The following SLC9A1 variants were observed in gnomAD, a reference collection of about 807,000 sequenced individuals.
SLC9A1 encodes the protein sodium/hydrogen exchanger 1.
Under a neutral mutation model 67.9 loss-of-function variants are expected in SLC9A1, and 22 were observed. The observed-to-expected ratio is 0.32, with a 90% CI of 0.23 to 0.46. The LOEUF (loss-of-function observed/expected upper bound fraction) is 0.46. Ranked by LOEUF, SLC9A1 falls within the 20% of genes least tolerant of loss-of-function variation. The probability of loss-of-function intolerance (pLI) is 1.00; values close to 1 mark genes in which losing one functional copy is unlikely to be tolerated. For synonymous variants in SLC9A1, 421 were observed against 471.8 expected (o/e 0.89, Z 1.40); for missense variants, 686 against 1,094.8 (o/e 0.63, Z 5.27).
intron 4 of SLC9A1, among the ~76,000 whole-genome samples, chr1:27,107,094 C>G (rs1265335061): frequency 6.7e-6 from 1 of 149,454 alleles, no homozygotes; most frequent in East Asian, 2.0e-4. Flanking sequence ...ATACCCCCAG[C>G]CCCTCCACAC....
intron 6 of SLC9A1, among the ~76,000 whole-genome samples, chr1:27,103,000 T>TCAAATGGAGG (rs1553174829): frequency 6.6e-6 from 1 of 152,142 alleles, no homozygotes; most frequent in Non-Finnish European, 1.5e-5. Context: ...GGGATAGGTT[T>TCAAATGGAGG]CAAATGGAGG....
At chr1:27,136,809 T>TG (rs538222769) in intron 1 of SLC9A1, among the ~76,000 whole-genome samples, 1 of 152,146 alleles carries the variant, frequency 6.6e-6, no homozygotes, top group Non-Finnish European at 1.5e-5. Context: ...CCAAGAACAC[T>TG]GGGGGAAAAG....
chr1:27,147,733 C>T (rs1033173414), intron 1 of SLC9A1, among the ~76,000 whole-genome samples: 1 of 152,164 alleles, frequency 6.6e-6, no homozygotes, highest in African/African-American at 2.4e-5. Context: ...CAGTGGCTTA[C>T]GCCTGTAATC....
intron 1 of SLC9A1, among the ~76,000 whole-genome samples, chr1:27,146,641 T>C (rs2083486959): frequency 6.6e-6 from 1 of 152,160 alleles, no homozygotes; most frequent in Non-Finnish European, 1.5e-5. Flanking sequence ...TAGCTGGATG[T>C]GGTGACCTGT....
At chr1:27,151,107 T>G (rs2083524441) in intron 1 of SLC9A1, among the ~76,000 whole-genome samples, 1 of 152,110 alleles carries the variant, frequency 6.6e-6, no homozygotes, top group African/African-American at 2.4e-5. Flanking sequence ...ATAGGACACA[T>G]GGAAACCCTG....
At position 27,100,384 on chromosome 1, in the gene SLC9A1, T is replaced by A. The variant is rs140754742; in HGVS notation, c.2371A>T (p.Ile791Leu). ...CCTGGGTCACTGAGGCAGCGCTGTATCCTCTGGGAGCTGGGGCTGTCACTG... is the reference window on the plus strand; with the variant it reads ...CCTGGGTCACTGAGGCAGCGCTGTAACCTCTGGGAGCTGGGGCTGTCACTG... ...APSDSPSSQR[I>L]QRCLSDPGPH... Residue 791 changes from isoleucine to leucine, a missense_variant, in exon 12 of 12, where the codon ATA becomes TTA. Around this residue, in one of 7 missense-constraint regions of SLC9A1, gnomAD observed 226 missense variants for 282.4 expected, o/e 0.80. Transcript: ENST00000263980. The surrounding 1 kb of genome is among the most constrained non-coding windows in gnomAD (Gnocchi z 5.6). 2.5e-6 allele frequency: 4 copies of A among 1,593,784 alleles called. No homozygotes were observed. The highest frequency in any genetic ancestry group is 1.7e-5 in the Admixed American group (1 of 58,854).
At chr1:27,108,910 C>T (rs373806818) in intron 3 of SLC9A1, among the ~76,000 whole-genome samples, 1 of 152,184 alleles carries the variant, frequency 6.6e-6, no homozygotes, top group African/African-American at 2.4e-5. Context: ...CCACAGGGAG[C>T]TTTGTTCCAA....
At chr1:27,142,864 G>T (rs1158385123) in intron 1 of SLC9A1, among the ~76,000 whole-genome samples, 1 of 151,824 alleles carries the variant, frequency 6.6e-6, no homozygotes, top group Non-Finnish European at 1.5e-5. Flanking sequence ...CCTTCTCCTT[G>T]CCTGGAAGGT....
intron 1 of SLC9A1, among the ~76,000 whole-genome samples, chr1:27,139,492 G>T (rs1243075251): frequency 2.0e-5 from 3 of 152,198 alleles, no homozygotes; most frequent in African/African-American, 4.8e-5. Context: ...TGCACTATGC[G>T]AAGCCCTGAG....
In SLC9A1 at chr1:27,102,654, C is replaced by CA; in HGVS notation, c.1646+18dup. 6.2e-7 allele frequency: 1 copy of CA among 1,613,228 alleles called. No homozygotes were observed. The highest frequency in any genetic ancestry group is 8.5e-7 in the Non-Finnish European group (1 of 1,179,662). ...CCTTGCCTGCCCCTCCCTGCCTGCC[C>CA]ACCAGGCCTGCCACCTACTTGTCCT... On this transcript the variant is annotated intron_variant, in intron 7 of 11. Coordinates refer to ENST00000263980, the MANE Select transcript of SLC9A1 (RefSeq NM_003047.5).
chr1:27,142,277 TTCACGAG>T (rs1313085368), intron 1 of SLC9A1, among the ~76,000 whole-genome samples: 8 of 152,212 alleles, frequency 5.3e-5, no homozygotes, highest in African/African-American at 1.9e-4. Context: ...CTGCCATTAA[TTCACGAG>T]TGGCCTGGGG....
intron 1 of SLC9A1, among the ~76,000 whole-genome samples, chr1:27,147,111 AAAACAAACAAAC>A (rs147266205): frequency 4.7e-5 from 7 of 150,396 alleles, no homozygotes; most frequent in African/African-American, 1.5e-4. Context: ...GTCTCTACTA[AAAACAAACAAAC>A]AAACAAACAA....
In SLC9A1 at chr1:27,105,894, G is replaced by C. The variant is rs1372231213; in HGVS notation, c.1476C>G (p.Val492=). ...TGCCCTGGCCCAGCACCTGCACAAAGACGGTGAAGAAGATGACAGTGATGA... is the reference window on the plus strand; with the variant it reads ...TGCCCTGGCCCAGCACCTGCACAAACACGGTGAAGAAGATGACAGTGATGA... ...TAIITVIFFT[V]FVQGMTIRPL... The change falls in exon 5 of 12, where the codon GTC becomes GTG. Residue 492 remains valine (V), a synonymous_variant. Coordinates refer to ENST00000263980, the MANE Select transcript of SLC9A1 (RefSeq NM_003047.5). 1 of 1,613,374 alleles carries C rather than the reference G, an allele frequency of 6.2e-7. No homozygotes were observed. The highest frequency in any genetic ancestry group is 2.2e-5 in the East Asian group (1 of 44,888).
In SLC9A1 at chr1:27,105,361, G is replaced by A. The variant is rs368180384; in HGVS notation, c.1485+524C>T. 82 of 249,024 alleles carry A rather than the reference G, an allele frequency of 3.3e-4. 2 individuals carry two copies. The East Asian group carries it at 6.7e-3, about 20-fold the overall frequency. 15.4% of individuals were successfully genotyped at this position (249,024 alleles called of 1,614,324 possible). ...GTTACCCAGGCTGGAGTGCAATGGC[G>A]CAATCTCAGCTCACTGCAACCTCCA... On this transcript the variant is annotated intron_variant, in intron 5 of 11. Coordinates refer to ENST00000263980, the MANE Select transcript of SLC9A1 (RefSeq NM_003047.5).
chr1:27,135,525 GAA>G lies in SLC9A1; in HGVS notation c.352+18456_352+18457del, dbSNP rs36107223. Among the ~76,000 whole-genome samples the G allele has an allele frequency of 2.8e-3, 310 of 110,006 alleles. 1 individual carries two copies. Among genetic ancestry groups the G allele is most frequent in the African/African-American group, 7.8e-3 (226 of 28,956 alleles). 72.2% of individuals were successfully genotyped at this position (110,006 alleles called of 152,430 possible). A position where few individuals can be genotyped will look rare whatever the true frequency, so the allele number is the denominator to read the frequency against. ...TTTTTTTATTTCTTCCTTTTTTCTGGAAAAAAAAAAAAAAAAAAAAATCTGGA... is the reference window on the plus strand; with the variant it reads ...TTTTTTTATTTCTTCCTTTTTTCTGGAAAAAAAAAAAAAAAAAAATCTGGA... On this transcript the variant is annotated intron_variant, in intron 1 of 11. Transcript: ENST00000263980.
intron 1 of SLC9A1, among the ~76,000 whole-genome samples, chr1:27,122,091 G>T (rs367847146): frequency 7.3e-4 from 111 of 152,220 alleles, no homozygotes; most frequent in African/African-American, 2.3e-3. Context: ...CTCCAGCCTG[G>T]GCGACAGAGT....
chr1:27,140,515 T>C (rs1557432877), intron 1 of SLC9A1, among the ~76,000 whole-genome samples: 1 of 152,014 alleles, frequency 6.6e-6, no homozygotes, highest in Non-Finnish European at 1.5e-5. Flanking sequence ...TAGTAGCAAC[T>C]CCCATTAGTG....
chr1:27,136,809 TG>T lies in SLC9A1; in HGVS notation c.352+17173del, dbSNP rs538222769. Among the ~76,000 whole-genome samples, 10 of 152,264 alleles carry T rather than the reference TG, an allele frequency of 6.6e-5. No individual in the cohort carries two copies. The East Asian group carries it at 1.7e-3, about 26-fold the overall frequency. On this transcript the variant is annotated intron_variant, in intron 1 of 11. Coordinates refer to ENST00000263980, the MANE Select transcript of SLC9A1 (RefSeq NM_003047.5). Reference sequence around the variant, plus strand: ...GGAAAATTCCCAGAGCCAAGAACACTGGGGGAAAAGCTTCATCTAGTCCCTT... The same window carrying T: ...GGAAAATTCCCAGAGCCAAGAACACTGGGGAAAAGCTTCATCTAGTCCCTT...
At chr1:27,115,543 G>C (rs2083266757) in intron 1 of SLC9A1, among the ~76,000 whole-genome samples, 1 of 152,038 alleles carries the variant, frequency 6.6e-6, no homozygotes, top group Non-Finnish European at 1.5e-5. Flanking sequence ...GCCTGGCATG[G>C]TGGCTCATGC....
Sources: gnomAD v4.1 joint callset for allele counts (sites outside exome capture counted in the v4.1 genomes callset) on GRCh38, gnomAD v4.1.1 for gene constraint, gnomAD v4.1.1 regional missense constraint, Gnocchi (gnomAD v3.1) non-coding constraint, MANE v1.5 for transcripts, NCBI Gene and HGNC (gene_info 2026-07-23, HGNC 2026-07-21) for gene names.